The following ABCC4 variants were observed in gnomAD, a reference collection of about 807,000 sequenced individuals.
ABCC4 encodes the protein ATP-binding cassette sub-family C member 4.
ABCC4 carries 102 observed loss-of-function variants against 168.5 expected under a neutral mutation model. That is an observed-to-expected ratio of 0.61 (90% CI 0.52 to 0.71). The LOEUF is 0.71. Among genes scored for constraint, ABCC4 ranks in the 30% least tolerant of loss-of-function variants. ABCC4 has a pLI of 0.00. For synonymous variants in ABCC4, 617 were observed against 590.7 expected, an observed-to-expected ratio of 1.04 and a Z score of -0.65; for missense variants, 1,402 against 1,605.8, an observed-to-expected ratio of 0.87 and a Z score of 2.17.
At chr13:95,064,177 T>G (rs1279124457) in intron 25 of ABCC4, among the ~76,000 whole-genome samples, 2 of 151,220 alleles carry the variant, frequency 1.3e-5, no homozygotes, top group Admixed American at 6.6e-5. Context: ...TGGAGTCATA[T>G]TCTACCTTAT....
chr13:95,242,435 T>C (rs138452061), intron 3 of ABCC4, among the ~76,000 whole-genome samples: 1,982 of 151,816 alleles, frequency 0.013, 42 homozygotes, highest in African/African-American at 0.045. Flanking sequence ...ACCAGGTTGG[T>C]CAGGCTGGTC....
intron 3 of ABCC4, among the ~76,000 whole-genome samples, chr13:95,242,515 T>A (rs1393826801): frequency 1.3e-5 from 2 of 152,110 alleles, no homozygotes; most frequent in South Asian, 4.1e-4. Flanking sequence ...CGTGAGCCAC[T>A]GCGCCTGGCC....
chr13:95,039,746 G>A (rs1032040920), intron 29 of ABCC4, among the ~76,000 whole-genome samples: 2 of 152,194 alleles, frequency 1.3e-5, no homozygotes, highest in African/African-American at 4.8e-5. Context: ...AAAATTAAGT[G>A]AACAAACTGC....
intron 5 of ABCC4, 127 bp downstream of exon 5, chr13:95,210,565 T>C: frequency 1.3e-6 from 1 of 753,488 alleles, no homozygotes; most frequent in Non-Finnish European, 2.2e-6. Context: ...AGTTCAAGCC[T>C]TCAGCGAGCT....
At chr13:95,172,949 G>C (rs2037530679) in intron 13 of ABCC4, among the ~76,000 whole-genome samples, 1 of 152,108 alleles carries the variant, frequency 6.6e-6, no homozygotes, top group Admixed American at 6.5e-5. Context: ...GGGAGGGAGA[G>C]AGGGACAGAT....
At chr13:95,208,779 C>T (rs901669764) in intron 6 of ABCC4, among the ~76,000 whole-genome samples, 1 of 151,860 alleles carries the variant, frequency 6.6e-6, no homozygotes, top group Non-Finnish European at 1.5e-5. Flanking sequence ...TACCACCATG[C>T]CCAGCTAATT....
chr13:95,097,765 A>ATT (rs2034657561), intron 20 of ABCC4, among the ~76,000 whole-genome samples: 3 of 150,548 alleles, frequency 2.0e-5, no homozygotes, highest in Non-Finnish European at 4.4e-5. Flanking sequence ...GGTTTTTTAA[A>ATT]AAAAAAAAAT....
At chr13:95,193,897 C>A (rs1264822780) in intron 9 of ABCC4, among the ~76,000 whole-genome samples, 1 of 152,232 alleles carries the variant, frequency 6.6e-6, no homozygotes, top group Non-Finnish European at 1.5e-5. Context: ...CCCAATCGGA[C>A]CATGCCTCAT....
At chr13:95,282,865 GAGAA>G (rs769975738) in intron 1 of ABCC4, among the ~76,000 whole-genome samples, 2 of 152,022 alleles carry the variant, frequency 1.3e-5, no homozygotes, top group Non-Finnish European at 2.9e-5. Flanking sequence ...GTGTGAGAGA[GAGAA>G]AGAGAATATA....
chr13:95,071,605 G>T, intron 25 of ABCC4, 57 bp downstream of exon 25: 2 of 1,343,366 alleles, frequency 1.5e-6, no homozygotes, highest in Non-Finnish European at 1.9e-6. Context: ...AAGACAACAA[G>T]CAGACATAGC....
intron 30 of ABCC4, among the ~76,000 whole-genome samples, chr13:95,023,196 T>G (rs1043186348): frequency 6.6e-6 from 1 of 152,224 alleles, no homozygotes; most frequent in Non-Finnish European, 1.5e-5. Context: ...CTTCCTTCTG[T>G]GTAACCCTCT....
intron 29 of ABCC4, among the ~76,000 whole-genome samples, chr13:95,038,926 G>C (rs570469020): frequency 1.3e-5 from 2 of 152,270 alleles, no homozygotes; most frequent in South Asian, 4.1e-4. Flanking sequence ...CATGCCTCAA[G>C]TTGATGGCTA....
rs753316849 is a variant in ABCC4, at chr13:95,296,135, A to AAC, written c.74+5104_74+5105dup. Among the ~76,000 whole-genome samples the AAC allele has an allele frequency of 2.2e-3, 213 of 98,958 alleles. 1 individual carries two copies. Among genetic ancestry groups the AAC allele is most frequent in the South Asian group, 7.3e-3 (17 of 2,334 alleles). The allele number at this position is 98,958 out of a possible 152,430, so 64.9% of individuals were successfully genotyped here. A position where few individuals can be genotyped will look rare whatever the true frequency, so the allele number is the denominator to read the frequency against. The stretch of plus-strand genomic sequence containing the variant: ...GCAACAGAGCAAGACCCTGTCTCAA[A>AAC]ACACACACACACACACACACACACA... On this transcript the variant is annotated intron_variant, in intron 1 of 30. Coordinates refer to ENST00000645237, the MANE Select transcript of ABCC4 (RefSeq NM_005845.5).
At chr13:95,162,899 A>C (rs999704032) in intron 18 of ABCC4, among the ~76,000 whole-genome samples, 1 of 152,234 alleles carries the variant, frequency 6.6e-6, no homozygotes, top group South Asian at 2.1e-4. Flanking sequence ...ATCCTGGTTT[A>C]ACTTTCAAAA....
chr13:95,185,116 C>T (rs915496684), intron 11 of ABCC4, among the ~76,000 whole-genome samples: 4 of 152,074 alleles, frequency 2.6e-5, no homozygotes, highest in Non-Finnish European at 5.9e-5. Context: ...GAAAATTTTA[C>T]TTTAAAAAAG....
rs2034917308 is a variant in ABCC4, at chr13:95,104,227, T to C, written c.2535+11695A>G. Among the ~76,000 whole-genome samples the C allele has an allele frequency of 2.0e-5, 3 of 152,242 alleles. No individual in the cohort carries two copies. The South Asian group carries it at 6.2e-4, about 32-fold the overall frequency. Reference sequence around the variant, plus strand: ...TCCACCTCCCATGTTCAAGCAATTCTTTCAGCCTCCCAAGTAGCTGGGATT... The same window carrying C: ...TCCACCTCCCATGTTCAAGCAATTCCTTCAGCCTCCCAAGTAGCTGGGATT... On this transcript the variant is annotated intron_variant, in intron 20 of 30. Coordinates refer to ENST00000645237, the MANE Select transcript of ABCC4 (RefSeq NM_005845.5).
intron 1 of ABCC4, among the ~76,000 whole-genome samples, chr13:95,250,721 T>C (rs1594380059): frequency 6.6e-6 from 1 of 151,896 alleles, no homozygotes; most frequent in East Asian, 1.9e-4. Context: ...TGTTGTTTTT[T>C]CCCCCAAGGA....
chr13:95,069,017 A>G (rs1445491671), intron 25 of ABCC4, among the ~76,000 whole-genome samples: 1 of 152,238 alleles, frequency 6.6e-6, no homozygotes, highest in Non-Finnish European at 1.5e-5. Context: ...ATGAGGAATC[A>G]GCTTTTGCTG....
At chr13:95,251,852 T>C (rs1238780911) in intron 1 of ABCC4, among the ~76,000 whole-genome samples, 5 of 152,174 alleles carry the variant, frequency 3.3e-5, no homozygotes, top group Non-Finnish European at 7.4e-5. Flanking sequence ...TTTCCACAGG[T>C]TGAGTTACCC....
Sources: allele counts gnomAD v4.1 joint callset (sites outside exome capture counted in the v4.1 genomes callset), GRCh38; gene constraint gnomAD v4.1.1; transcripts MANE v1.5; gene names NCBI Gene and HGNC (gene_info 2026-07-23, HGNC 2026-07-21).